The following TRIM71 variants were observed in gnomAD, a reference collection of about 807,000 sequenced individuals.
TRIM71 encodes the protein tripartite motif containing 71, also known as E3 ubiquitin-protein ligase TRIM71.
A neutral mutation model predicts 61.2 loss-of-function variants in TRIM71; 9 were observed. That is an observed-to-expected ratio of 0.15 (90% confidence interval 0.09 to 0.26). The LOEUF (loss-of-function observed/expected upper bound fraction) is 0.26, where lower values mean the gene tolerates loss of function less well. Among genes scored for constraint, TRIM71 ranks in the 10% least tolerant of loss-of-function variants. The pLI is 1.00. For missense variants in TRIM71, 998 were observed against 1,238.7 expected, an observed-to-expected ratio of 0.81 and a Z score of 2.92; for synonymous variants, 645 against 553.2, an observed-to-expected ratio of 1.17 and a Z score of -2.33.
At chr3:32,870,798 A>G (rs568139931) in intron 1 of TRIM71, among the ~76,000 whole-genome samples, 17 of 152,288 alleles carry the variant, frequency 1.1e-4, no homozygotes, top group South Asian at 2.1e-4. Context: ...GGCTCAGCCC[A>G]GAACTTACTA....
rs116009690 is a variant in TRIM71, at chr3:32,845,688, A to G, written c.852+26756A>G. On this transcript the variant is annotated intron_variant, in intron 1 of 3. Coordinates refer to ENST00000383763, the MANE Select transcript of TRIM71 (RefSeq NM_001039111.3). ...ATCTTTCATGAGGTTACTGGGTCAA[A>G]TTGCCATGCGACCTAGGCCAAGTTT... 7.8e-3 allele frequency among the ~76,000 whole-genome samples: 1,177 copies of G among 151,142 alleles called. 31 individuals carry two copies. The highest frequency in any genetic ancestry group is 0.027 in the African/African-American group (1,127 of 41,204).
In TRIM71 at chr3:32,818,719, C is replaced by T. The variant is rs1442499457; in HGVS notation, c.639C>T (p.Leu213=). The change falls in exon 1 of 4, where the codon CTC becomes CTT. Residue 213 remains leucine (L), a synonymous_variant. Coordinates refer to ENST00000383763, the MANE Select transcript of TRIM71 (RefSeq NM_001039111.3). The part of the protein sequence containing the change: ...DEGNAASSRC[L]DCQEHLCDNC... ...GCAACGCAGCTTCTTCGCGCTGCCT[C>T]GACTGCCAGGAGCACCTGTGCGACA... 3 of 1,594,216 alleles carry T rather than the reference C, an allele frequency of 1.9e-6. No homozygotes were observed. The highest frequency in any genetic ancestry group is 1.1e-5 in the South Asian group (1 of 90,026).
At chr3:32,839,523 C>A (rs1696378733) in intron 1 of TRIM71, among the ~76,000 whole-genome samples, 1 of 152,114 alleles carries the variant, frequency 6.6e-6, no homozygotes, top group African/African-American at 2.4e-5. Context: ...GCCACAGCCC[C>A]CGGAAGACGT....
Position 32,833,634 on chromosome 3 carries a change from TTTTATTTATTTA to T in TRIM71, c.852+14734_852+14745del, listed in dbSNP as rs572371235. Among the ~76,000 whole-genome samples the T allele has an allele frequency of 6.3e-3, 924 of 146,786 alleles. 6 individuals are homozygous for T. The highest frequency in any genetic ancestry group is 0.017 in the Middle Eastern group (5 of 288). On this transcript the variant is annotated intron_variant, in intron 1 of 3. Coordinates refer to ENST00000383763, the MANE Select transcript of TRIM71 (RefSeq NM_001039111.3). ...GGCTGCAGGAGTACTGAGAATGCTT[TTTTATTTATTTA>T]TTTATTTATTTATTTATTTATTTAT...
chr3:32,832,626 A>T (rs1326516026), intron 1 of TRIM71, among the ~76,000 whole-genome samples: 1 of 152,204 alleles, frequency 6.6e-6, no homozygotes, highest in East Asian at 1.9e-4. Context: ...TGGAGGTTGT[A>T]GTGAGCTGAG....
chr3:32,877,115 G>A (rs1696858842), intron 2 of TRIM71, among the ~76,000 whole-genome samples: 2 of 152,046 alleles, frequency 1.3e-5, no homozygotes, highest in African/African-American at 4.8e-5. Flanking sequence ...ACTTGTGTGT[G>A]TTTAGCATCC....
intron 1 of TRIM71, among the ~76,000 whole-genome samples, chr3:32,844,407 C>G (rs1696447060): frequency 6.6e-6 from 1 of 152,092 alleles, no homozygotes; most frequent in South Asian, 2.1e-4. Context: ...CTTTTATTCC[C>G]TTTCCCTGAG....
At chr3:32,836,725 C>T (rs2125677773) in intron 1 of TRIM71, among the ~76,000 whole-genome samples, 1 of 152,274 alleles carries the variant, frequency 6.6e-6, no homozygotes, top group East Asian at 1.9e-4. Context: ...CTGAAAATAG[C>T]TGTTGGCTGT....
chr3:32,820,077 AC>A (rs1696110648), intron 1 of TRIM71, among the ~76,000 whole-genome samples: 1 of 152,192 alleles, frequency 6.6e-6, no homozygotes, highest in Non-Finnish European at 1.5e-5. Flanking sequence ...GGGGTCGGTA[AC>A]TTAGGCGATC....
At chr3:32,846,993 G>T (rs1035030870) in intron 1 of TRIM71, among the ~76,000 whole-genome samples, 1 of 151,804 alleles carries the variant, frequency 6.6e-6, no homozygotes, top group Admixed American at 6.6e-5. Context: ...CAGTTATTTG[G>T]GGTATATATA....
rs566407318 is a variant in TRIM71, at chr3:32,890,929, T to C, written c.1725T>C (p.Pro575=). ...GCAACCAGCACATTGAGAACAGCCC[T>C]TTCAAGGTGGTGGTCAAGTCAGGCC... ...TLCNQHIENS[P]FKVVVKSGRS... is the part of the protein sequence containing the mutation. Residue 575 remains proline, a synonymous_variant, in exon 4 of 4, where the codon CCT becomes CCC. Transcript: ENST00000383763. The surrounding 1 kb of genome is among the most constrained non-coding windows in gnomAD (Gnocchi z 6.2). 8.7e-6 allele frequency: 14 copies of C among 1,614,200 alleles called. No individual in the cohort carries two copies. The African/African-American group carries it at 9.3e-5, about 11-fold the overall frequency.
rs968953567 is a variant in TRIM71, at chr3:32,893,961, G to C, written c.*2150G>C. The C allele has an allele frequency of 1.3e-5, 2 of 152,182 alleles. No homozygotes were observed. The highest frequency in any genetic ancestry group is 4.8e-5 in the African/African-American group (2 of 41,434). The allele number at this position is 152,182 out of a possible 1,614,324, so 9.4% of individuals were successfully genotyped here. Reference sequence around the variant, plus strand: ...CTGCTGGCTCCCAGCTGCTGTTACAGGGTGGGAAGGTGTTAGGAAATGTTG... The same window carrying C: ...CTGCTGGCTCCCAGCTGCTGTTACACGGTGGGAAGGTGTTAGGAAATGTTG... On this transcript the variant is annotated 3_prime_UTR_variant, in exon 4 of 4. Coordinates refer to ENST00000383763, the MANE Select transcript of TRIM71 (RefSeq NM_001039111.3).
At chr3:32,833,867 C>G (rs1277213411) in intron 1 of TRIM71, among the ~76,000 whole-genome samples, 6 of 151,992 alleles carry the variant, frequency 3.9e-5, no homozygotes, top group Non-Finnish European at 1.5e-5. Flanking sequence ...ATGCCCCACC[C>G]CCATCCTTGA....
intron 1 of TRIM71, among the ~76,000 whole-genome samples, chr3:32,852,794 G>T (rs1209802606): frequency 6.6e-6 from 1 of 151,706 alleles, no homozygotes; most frequent in African/African-American, 2.4e-5. Flanking sequence ...ACTTTATCTG[G>T]TATTTAGTAT....
intron 1 of TRIM71, among the ~76,000 whole-genome samples, chr3:32,852,498 G>A (rs1219284594): frequency 6.6e-6 from 1 of 152,196 alleles, no homozygotes; most frequent in Non-Finnish European, 1.5e-5. Flanking sequence ...CATTTTGCCA[G>A]AGAGGTCTTC....
At chr3:32,877,656 C>T (rs1249675293) in intron 2 of TRIM71, among the ~76,000 whole-genome samples, 6 of 152,276 alleles carry the variant, frequency 3.9e-5, no homozygotes, top group South Asian at 2.1e-4. Flanking sequence ...CCTTGCCCAG[C>T]CTGACAATTT....
chr3:32,830,178 C>G (rs894251560), intron 1 of TRIM71, among the ~76,000 whole-genome samples: 10 of 152,094 alleles, frequency 6.6e-5, no homozygotes, highest in African/African-American at 2.4e-4. Flanking sequence ...CTGTCTTGGC[C>G]TCCCAAAATG....
intron 2 of TRIM71, among the ~76,000 whole-genome samples, chr3:32,876,665 T>A (rs1055244695): frequency 2.0e-5 from 3 of 152,194 alleles, no homozygotes; most frequent in Non-Finnish European, 2.9e-5. Flanking sequence ...TATTAACCTC[T>A]TACTCTCTTA....
intron 1 of TRIM71, among the ~76,000 whole-genome samples, chr3:32,860,037 G>T (rs541017236): frequency 3.2e-4 from 49 of 151,792 alleles, no homozygotes; most frequent in Middle Eastern, 6.9e-3. Flanking sequence ...AGGCCCTTTG[G>T]CCCACCCTTT....
Sources: allele counts gnomAD v4.1 joint callset (sites outside exome capture counted in the v4.1 genomes callset), GRCh38; gene constraint gnomAD v4.1.1; non-coding constraint Gnocchi (gnomAD v3.1); transcripts MANE v1.5; gene names NCBI Gene and HGNC (gene_info 2026-07-23, HGNC 2026-07-21).